KIAA1328: variants seen among roughly 807,000 people sequenced by gnomAD.
KIAA1328 encodes protein hinderin.
Under a neutral mutation model 68.1 loss-of-function variants are expected in KIAA1328, and 52 were observed. That is an observed-to-expected ratio of 0.76 (90% CI 0.61 to 0.96). The LOEUF (loss-of-function observed/expected upper bound fraction) is 0.96, where lower values mean the gene tolerates loss of function less well. Among genes scored for constraint, KIAA1328 ranks in the 40% least tolerant of loss-of-function variants. The pLI is 0.00. For synonymous variants in KIAA1328, 232 were observed against 239.4 expected (o/e 0.97, Z 0.28); for missense variants, 641 against 677.6 (o/e 0.95, Z 0.60).
At position 37,224,234 on chromosome 18, in the gene KIAA1328, A is replaced by G; in HGVS notation, c.*2007A>G. On this transcript the variant is annotated 3_prime_UTR_variant, in exon 10 of 10. Coordinates refer to ENST00000280020, the MANE Select transcript of KIAA1328 (RefSeq NM_020776.3). ...CCAGTGTCCTTAAAACTCTGGAGTG[A>G]GAGGATGCCAGAGGATCAAGAAAAG... 3.0e-6 allele frequency: 3 copies of G among 985,464 alleles called. No individual in the cohort carries two copies. The highest frequency in any genetic ancestry group is 3.6e-6 in the Non-Finnish European group (3 of 829,940). The allele number at this position is 985,464 out of a possible 1,614,324, so 61.0% of individuals were successfully genotyped here.
At chr18:36,926,304 C>A in intron 5 of KIAA1328, among the ~76,000 whole-genome samples, 1 of 152,126 alleles carries the variant, frequency 6.6e-6, no homozygotes, top group South Asian at 2.1e-4. Flanking sequence ...CAGCACCAGG[C>A]AACTTTGTGT....
chr18:37,204,571 G>T (rs2060179884), intron 9 of KIAA1328, among the ~76,000 whole-genome samples: 1 of 152,106 alleles, frequency 6.6e-6, no homozygotes, highest in East Asian at 1.9e-4. Flanking sequence ...AATGGAACAG[G>T]CTAAAGTCTC....
intron 6 of KIAA1328, among the ~76,000 whole-genome samples, chr18:37,049,957 G>A (rs949185181): frequency 8.5e-5 from 13 of 152,176 alleles, no homozygotes; most frequent in Non-Finnish European, 7.4e-5. Flanking sequence ...TGCAGGGACA[G>A]CTGGGTTTGT....
At chr18:36,877,311 C>G (rs1251966808) in intron 4 of KIAA1328, among the ~76,000 whole-genome samples, 2 of 152,038 alleles carry the variant, frequency 1.3e-5, no homozygotes, top group Non-Finnish European at 2.9e-5. Flanking sequence ...GAGTCTAAGT[C>G]TCTTTGAAGG....
At chr18:37,144,041 A>G (rs1029418630) in intron 7 of KIAA1328, among the ~76,000 whole-genome samples, 2 of 152,124 alleles carry the variant, frequency 1.3e-5, no homozygotes, top group Admixed American at 6.5e-5. Context: ...CAGTGAAGCT[A>G]TCTGGGCAGT....
chr18:37,223,706 A>G lies in KIAA1328; in HGVS notation c.*1479A>G, dbSNP rs2060603169. The stretch of plus-strand genomic sequence containing the variant: ...CTGAATTACTCTTTTAATTAAAACT[A>G]GATTATTTCAATCTAGAAAAGCCTT... On this transcript the variant is annotated 3_prime_UTR_variant, in exon 10 of 10. Transcript: ENST00000280020. 1.0e-6 allele frequency: 1 copy of G among 985,252 alleles called. No homozygotes were observed. The highest frequency in any genetic ancestry group is 1.7e-5 in the African/African-American group (1 of 57,232). 61.0% of individuals were successfully genotyped at this position (985,252 alleles called of 1,614,324 possible).
chr18:36,938,800 G>C (rs956542146), intron 5 of KIAA1328, among the ~76,000 whole-genome samples: 1 of 152,118 alleles, frequency 6.6e-6, no homozygotes, highest in African/African-American at 2.4e-5. Context: ...TCTTCTGCAT[G>C]TGGATATCCA....
intron 6 of KIAA1328, among the ~76,000 whole-genome samples, chr18:37,031,478 C>A (rs1339027898): frequency 6.6e-6 from 1 of 152,104 alleles, no homozygotes; most frequent in Non-Finnish European, 1.5e-5. Flanking sequence ...ATTAATATAG[C>A]CACTTCAGCT....
chr18:36,966,811 C>A (rs2051957964), intron 6 of KIAA1328, among the ~76,000 whole-genome samples: 1 of 152,160 alleles, frequency 6.6e-6, no homozygotes, highest in Non-Finnish European at 1.5e-5. Flanking sequence ...GTTCCATGGT[C>A]ATGGATTGGC....
At chr18:37,178,740 ACTTGT>A (rs1446947851) in intron 9 of KIAA1328, among the ~76,000 whole-genome samples, 2 of 152,120 alleles carry the variant, frequency 1.3e-5, no homozygotes, top group African/African-American at 2.4e-5. Flanking sequence ...CATTGCCAAC[ACTTGT>A]CTTGTCCGTT....
rs192247800 is a variant in KIAA1328 at position 36,853,782 on chromosome 18, C to T, written c.332+9480C>T. Among the ~76,000 whole-genome samples the T allele has an allele frequency of 2.7e-3, 404 of 152,202 alleles. 1 individual carries two copies. Among genetic ancestry groups the T allele is most frequent in the Admixed American group, 6.1e-3 (94 of 15,290 alleles). On this transcript the variant is annotated intron_variant, in intron 4 of 9. Coordinates refer to ENST00000280020, the MANE Select transcript of KIAA1328 (RefSeq NM_020776.3). Reference sequence around the variant, plus strand: ...CAAGTGATTCTTCTGCGTCAGCCTCCCGCGTAGCTGTTACAGGTGCCCGCC... The same window carrying T: ...CAAGTGATTCTTCTGCGTCAGCCTCTCGCGTAGCTGTTACAGGTGCCCGCC...
intron 3 of KIAA1328, among the ~76,000 whole-genome samples, chr18:36,837,365 A>G (rs2046712482): frequency 6.6e-6 from 1 of 152,058 alleles, no homozygotes; most frequent in Non-Finnish European, 1.5e-5. Context: ...GCATGTTTTT[A>G]TGTGCTTCTT....
At chr18:37,212,547 C>T (rs913018198) in intron 9 of KIAA1328, among the ~76,000 whole-genome samples, 3 of 151,558 alleles carry the variant, frequency 2.0e-5, no homozygotes, top group Admixed American at 6.6e-5. Context: ...AAAAGGACAC[C>T]GATAAAGCAT....
chr18:37,167,283 C>T (rs530197852), intron 8 of KIAA1328, among the ~76,000 whole-genome samples: 10 of 152,248 alleles, frequency 6.6e-5, no homozygotes, highest in African/African-American at 1.9e-4. Flanking sequence ...ATAGGTGGCT[C>T]GTGTTAACCA....
At chr18:37,191,988 A>G (rs530299429) in intron 9 of KIAA1328, among the ~76,000 whole-genome samples, 78 of 152,200 alleles carry the variant, frequency 5.1e-4, no homozygotes, top group African/African-American at 1.9e-3. Flanking sequence ...CTTCCAAAGA[A>G]CTCTGGTTTC....
At chr18:37,141,354 C>T (rs1390416106) in intron 7 of KIAA1328, among the ~76,000 whole-genome samples, 1 of 152,150 alleles carries the variant, frequency 6.6e-6, no homozygotes, top group African/African-American at 2.4e-5. Flanking sequence ...ATACAATATG[C>T]GTAAGTCTGA....
intron 7 of KIAA1328, among the ~76,000 whole-genome samples, chr18:37,097,314 T>C (rs767923442): frequency 1.1e-4 from 16 of 152,116 alleles, no homozygotes; most frequent in Non-Finnish European, 2.1e-4. Context: ...TTCCCAGCAC[T>C]TTTTATTAAA....
intron 6 of KIAA1328, among the ~76,000 whole-genome samples, chr18:36,993,968 TA>T (rs74685501): frequency 0.13 from 15,825 of 122,802 alleles, 998 homozygotes; most frequent in Non-Finnish European, 0.16. Flanking sequence ...AATAGAAGAG[TA>T]AAAAAAAAAA....
intron 6 of KIAA1328, among the ~76,000 whole-genome samples, chr18:37,005,786 C>G (rs1287334607): frequency 1.3e-5 from 2 of 152,038 alleles, no homozygotes; most frequent in Non-Finnish European, 2.9e-5. Context: ...AGAATGAAAT[C>G]ATGTCATTTC....
Sources: allele counts gnomAD v4.1 joint callset (sites outside exome capture counted in the v4.1 genomes callset), GRCh38; gene constraint gnomAD v4.1.1; transcripts MANE v1.5; gene names NCBI Gene and HGNC (gene_info 2026-07-23, HGNC 2026-07-21).